Variants in UPF2 observed in about 807,000 individuals in gnomAD.
UPF2 encodes regulator of nonsense transcripts 2.
Under a neutral mutation model 141.4 loss-of-function variants are expected in UPF2, and 17 were observed. The observed-to-expected ratio is 0.12, with a 90% confidence interval of 0.08 to 0.18. The LOEUF (loss-of-function observed/expected upper bound fraction) is 0.18. Ranked by LOEUF, UPF2 falls within the 10% of genes least tolerant of loss-of-function variation. The probability of loss-of-function intolerance (pLI) is 1.00; values close to 1 mark genes in which losing one functional copy is unlikely to be tolerated. For missense variants in UPF2, 1,152 were observed against 1,515.9 expected (o/e 0.76, Z 3.99); for synonymous variants, 540 against 498.0 (o/e 1.08, Z -1.12).
At chr10:11,933,822 C>G (rs964792238) in intron 19 of UPF2, among the ~76,000 whole-genome samples, 1 of 152,184 alleles carries the variant, frequency 6.6e-6, no homozygotes, top group Non-Finnish European at 1.5e-5. Flanking sequence ...AGGAAAAAAA[C>G]TCATTATTTA....
At chr10:11,968,154 G>A (rs1263932199) in intron 9 of UPF2, among the ~76,000 whole-genome samples, 1 of 152,032 alleles carries the variant, frequency 6.6e-6, no homozygotes, top group African/African-American at 2.4e-5. Context: ...ACTCCAGCCT[G>A]GGTGACAAGA....
Position 11,983,239 on chromosome 10 carries a change from A to G in UPF2, c.1845-4074T>C, listed in dbSNP as rs377562346. ...TATCAAGCAAAAGCTAATTTATCAAATATCTTTTAGCAGTTAATGGGACAT... is the reference window on the plus strand; with the variant it reads ...TATCAAGCAAAAGCTAATTTATCAAGTATCTTTTAGCAGTTAATGGGACAT... On this transcript the variant is annotated intron_variant, in intron 8 of 21. Coordinates refer to ENST00000357604, the MANE Select transcript of UPF2 (RefSeq NM_015542.4). 3.3e-5 allele frequency among the ~76,000 whole-genome samples: 5 copies of G among 152,212 alleles called. No homozygotes were observed. The East Asian group carries it at 7.7e-4, about 23-fold the overall frequency.
chr10:11,967,225 C>A (rs1458093356), intron 10 of UPF2, 116 bp downstream of exon 10: 1 of 593,106 alleles, frequency 1.7e-6, no homozygotes, highest in East Asian at 3.5e-5. Context: ...ACTTTTTCTT[C>A]CTTTCTTGGT....
At chr10:11,999,384 G>A (rs954676156) in intron 7 of UPF2, among the ~76,000 whole-genome samples, 1 of 150,820 alleles carries the variant, frequency 6.6e-6, no homozygotes, top group African/African-American at 2.4e-5. Context: ...ATGATGGCGC[G>A]TGCCTGTAAT....
intron 10 of UPF2, among the ~76,000 whole-genome samples, chr10:11,965,569 C>A (rs2131203541): frequency 6.6e-6 from 1 of 152,268 alleles, no homozygotes; most frequent in Admixed American, 6.5e-5. Flanking sequence ...ATGCCATTCT[C>A]CTGCCTCAGC....
At chr10:12,012,866 CA>C (rs929142350) in intron 4 of UPF2, among the ~76,000 whole-genome samples, 2 of 151,012 alleles carry the variant, frequency 1.3e-5, no homozygotes, top group African/African-American at 4.9e-5. Flanking sequence ...AGCCTGGGTG[CA>C]GTGGCTCACA....
chr10:11,976,804 G>T (rs1833512492), intron 9 of UPF2, among the ~76,000 whole-genome samples: 1 of 152,196 alleles, frequency 6.6e-6, no homozygotes, highest in African/African-American at 2.4e-5. Flanking sequence ...TGGTGGTATA[G>T]AAGGTATAAT....
chr10:11,951,170 C>G lies in UPF2; in HGVS notation c.3034+896G>C, dbSNP rs535540498. On this transcript the variant is annotated intron_variant, in intron 15 of 21. Coordinates refer to ENST00000357604, the MANE Select transcript of UPF2 (RefSeq NM_015542.4). The stretch of plus-strand genomic sequence containing the variant: ...CTCCGTCTCCCGGGTTCAAGCGATT[C>G]TCCTGCCTCAGCCTCCTGAGTAGCT... 3.9e-5 allele frequency among the ~76,000 whole-genome samples: 6 copies of G among 152,266 alleles called. No individual in the cohort carries two copies. The South Asian group carries it at 1.2e-3, about 32-fold the overall frequency.
Position 11,920,446 on chromosome 10 carries a change from T to C in UPF2, c.*852A>G, listed in dbSNP as rs901962046. The stretch of plus-strand genomic sequence containing the variant: ...TGTAAACCCATGAAGGTCAACAAAA[T>C]ATTCTCATCCACTTCTTGTTGTCCT... On this transcript the variant is annotated 3_prime_UTR_variant, in exon 22 of 22. Coordinates refer to ENST00000357604, the MANE Select transcript of UPF2 (RefSeq NM_015542.4). The C allele has an allele frequency of 6.6e-6, 1 of 152,518 alleles. No homozygotes were observed. Among genetic ancestry groups the C allele is most frequent in the African/African-American group, 2.4e-5 (1 of 41,430 alleles). 9.4% of individuals were successfully genotyped at this position (152,518 alleles called of 1,614,324 possible). A position where few individuals can be genotyped will look rare whatever the true frequency, so the allele number is the denominator to read the frequency against.
chr10:11,997,332 A>C (rs1474061434), intron 8 of UPF2, among the ~76,000 whole-genome samples: 2 of 152,038 alleles, frequency 1.3e-5, no homozygotes, highest in South Asian at 4.1e-4. Context: ...CTTTGCACAA[A>C]ATAAAAACTC....
intron 9 of UPF2, among the ~76,000 whole-genome samples, chr10:11,976,798 G>A (rs560540602): frequency 1.3e-5 from 2 of 152,206 alleles, no homozygotes; most frequent in East Asian, 3.9e-4. Context: ...AGAGAATGGT[G>A]GTATAGAAGG....
chr10:12,026,646 CTTTTT>C (rs760035093), intron 3 of UPF2: 25 of 389,534 alleles, frequency 6.4e-5, no homozygotes, highest in Admixed American at 1.8e-4. Flanking sequence ...TTCCTATAAA[CTTTTT>C]TTTTTTTTTT....
Position 12,029,068 on chromosome 10 carries a change from T to G in UPF2, c.822A>C (p.Ile274=), listed in dbSNP as rs1283331975. 3.1e-6 allele frequency: 5 copies of G among 1,614,128 alleles called. No homozygotes were observed. Among genetic ancestry groups the G allele is most frequent in the African/African-American group, 1.3e-5 (1 of 74,954 alleles). ...CTTCCTTGTCAGTGAAAATCCCAAC[T>G]ATTGTCAATTCTGCAATAAAACGCA... is the stretch of plus-strand genomic sequence containing the variant. ...TDLRFIAELT[I]VGIFTDKEGL... is the part of the protein sequence containing the mutation. Residue 274 remains isoleucine (I), a synonymous_variant, in exon 3 of 22, where the codon ATA becomes ATC. Coordinates refer to ENST00000357604, the MANE Select transcript of UPF2 (RefSeq NM_015542.4).
chr10:12,033,332 T>A (rs1258332870), intron 2 of UPF2, among the ~76,000 whole-genome samples: 1 of 152,016 alleles, frequency 6.6e-6, no homozygotes, highest in African/African-American at 2.4e-5. Flanking sequence ...GTCCAAGAGT[T>A]CAAGACTAGC....
intron 1 of UPF2, among the ~76,000 whole-genome samples, chr10:12,040,549 T>C (rs776512665): frequency 2.0e-5 from 3 of 152,082 alleles, no homozygotes; most frequent in Non-Finnish European, 4.4e-5. Flanking sequence ...ACTTCATCCT[T>C]ACATTACAAG....
At chr10:12,028,622 G>A in intron 3 of UPF2, 123 bp downstream of exon 3, 2 of 963,968 alleles carry the variant, frequency 2.1e-6, no homozygotes, top group Non-Finnish European at 1.5e-6. Context: ...TTCCTGGAAT[G>A]TTAAGAAATC....
intron 9 of UPF2, among the ~76,000 whole-genome samples, chr10:11,972,846 G>A (rs917576720): frequency 6.6e-5 from 10 of 152,078 alleles, no homozygotes; most frequent in African/African-American, 2.2e-4. Flanking sequence ...ATAAGCATAC[G>A]TGTGCGTGTG....
chr10:12,041,275 G>A (rs1246064316), intron 1 of UPF2, among the ~76,000 whole-genome samples: 2 of 152,126 alleles, frequency 1.3e-5, no homozygotes, highest in South Asian at 4.1e-4. Context: ...AGATAGTGAG[G>A]AGAAAAAGTC....
chr10:12,031,983 G>T (rs922906413), intron 2 of UPF2, among the ~76,000 whole-genome samples: 1 of 152,130 alleles, frequency 6.6e-6, no homozygotes, highest in Non-Finnish European at 1.5e-5. Flanking sequence ...AATGAGCAGT[G>T]AAAGTACATT....
Sources: allele counts gnomAD v4.1 joint callset (sites outside exome capture counted in the v4.1 genomes callset), GRCh38; gene constraint gnomAD v4.1.1; transcripts MANE v1.5; gene names NCBI Gene and HGNC (gene_info 2026-07-23, HGNC 2026-07-21).